The following CRADD variants were observed in gnomAD, a reference collection of about 807,000 sequenced individuals.
CRADD encodes CARD and death domain containing adaptor protein.
A neutral mutation model predicts 15.5 loss-of-function variants in CRADD; 9 were observed. The observed-to-expected ratio is 0.58, with a 90% CI of 0.35 to 1.01. CRADD has a LOEUF of 1.01. CRADD is among the 50% of genes least tolerant of loss of function. The pLI, the probability that CRADD is intolerant of heterozygous loss-of-function variation, is 0.02. For synonymous variants in CRADD, 118 were observed against 107.6 expected (o/e 1.10, Z -0.60); for missense variants, 227 against 250.3 (o/e 0.91, Z 0.63).
chr12:93,789,830 T>C (rs1957328746), intron 2 of CRADD, among the ~76,000 whole-genome samples: 1 of 152,198 alleles, frequency 6.6e-6, no homozygotes, highest in South Asian at 2.1e-4. Context: ...AAAGGAGATG[T>C]TTTTCTGTAG....
chr12:93,691,255 CTT>C lies in CRADD; in HGVS notation c.298+12197_298+12198del, dbSNP rs66640128. On this transcript the variant is annotated intron_variant, in intron 2 of 2. Transcript: ENST00000332896. The stretch of plus-strand genomic sequence containing the variant: ...AATATAAAGAATTTTCTTTTGTTTT[CTT>C]TTTTTTTTTTTTTGAGACAGAGTTT... 3.7e-3 allele frequency among the ~76,000 whole-genome samples: 525 copies of C among 141,492 alleles called. 3 individuals carry two copies. Among genetic ancestry groups the C allele is most frequent in the African/African-American group, 0.011 (437 of 39,172 alleles). The allele number at this position is 141,492 out of a possible 152,430, so 92.8% of individuals were successfully genotyped here. A position where few individuals can be genotyped will look rare whatever the true frequency, so the allele number is the denominator to read the frequency against.
At chr12:93,814,878 A>G (rs1957673850) in intron 2 of CRADD, among the ~76,000 whole-genome samples, 1 of 152,228 alleles carries the variant, frequency 6.6e-6, no homozygotes, top group African/African-American at 2.4e-5. Flanking sequence ...AAAAATTACC[A>G]TTCCTAGATC....
chr12:93,706,630 T>C (rs1007595499), intron 2 of CRADD, among the ~76,000 whole-genome samples: 1 of 152,202 alleles, frequency 6.6e-6, no homozygotes, highest in Admixed American at 6.5e-5. Context: ...GTGATATTCA[T>C]ACTGATGGGG....
intron 2 of CRADD, among the ~76,000 whole-genome samples, chr12:93,783,228 GTATTATTATTATTATTATTAT>G (rs57260302): frequency 2.9e-5 from 4 of 139,364 alleles, no homozygotes; most frequent in Non-Finnish European, 4.6e-5. Flanking sequence ...ACAGGTATAG[GTATTATTATTATTATTATTAT>G]TATTATTATT....
chr12:93,776,089 A>T (rs1264508907), intron 2 of CRADD, among the ~76,000 whole-genome samples: 1 of 152,174 alleles, frequency 6.6e-6, no homozygotes, highest in Admixed American at 6.5e-5. Flanking sequence ...ATCTGAGAGA[A>T]CCCATTTAAT....
chr12:93,747,045 G>A (rs1448706577), intron 2 of CRADD, among the ~76,000 whole-genome samples: 1 of 151,948 alleles, frequency 6.6e-6, no homozygotes, highest in African/African-American at 2.4e-5. Context: ...AAAAAAAAAA[G>A]AATGGTTTTC....
intron 2 of CRADD, chr12:93,848,617 T>G (rs962049103): frequency 6.6e-6 from 1 of 152,428 alleles, no homozygotes; most frequent in Non-Finnish European, 1.5e-5. Flanking sequence ...ATTGCGATTC[T>G]CCTGCCTCTG....
rs11393339 is a variant in CRADD, at chr12:93,860,135, GA to G, written c.299-33903del. ...ACTTTTAAGAGGCCAACGCAAATTT[GA>G]AAAAAAAAAAAGTTTTTATAAGGTT... On this transcript the variant is annotated intron_variant, in intron 2 of 2. Transcript: ENST00000548483. 8.1e-4 allele frequency among the ~76,000 whole-genome samples: 120 copies of G among 148,074 alleles called. 1 individual carries two copies. The highest frequency in any genetic ancestry group is 3.4e-3 in the South Asian group (16 of 4,656).
chr12:93,860,962 C>T (rs962333851), intron 2 of CRADD, among the ~76,000 whole-genome samples: 1 of 152,220 alleles, frequency 6.6e-6, no homozygotes, highest in African/African-American at 2.4e-5. Flanking sequence ...CTCGGAGCGC[C>T]AGGCTGCTTG....
intron 2 of CRADD, among the ~76,000 whole-genome samples, chr12:93,881,215 T>G (rs529689124): frequency 1.3e-5 from 2 of 152,322 alleles, no homozygotes; most frequent in African/African-American, 4.8e-5. Context: ...ACAAAGATCT[T>G]ATCTTCTGAT....
chr12:93,737,948 G>T, intron 2 of CRADD: 1 of 274,518 alleles, frequency 3.6e-6, no homozygotes, highest in Non-Finnish European at 6.7e-6. Flanking sequence ...AAGAATTTCA[G>T]GGTGATAAAA....
At chr12:93,753,748 C>T (rs1041402239) in intron 2 of CRADD, among the ~76,000 whole-genome samples, 9 of 152,242 alleles carry the variant, frequency 5.9e-5, no homozygotes, top group African/African-American at 1.9e-4. Context: ...TGGTCTCCCA[C>T]AACTTTGGGC....
At chr12:93,753,893 G>A (rs892781780) in intron 2 of CRADD, among the ~76,000 whole-genome samples, 2 of 152,176 alleles carry the variant, frequency 1.3e-5, no homozygotes, top group Non-Finnish European at 2.9e-5. Context: ...TCTGGAGGGC[G>A]TGGCCCTCTT....
chr12:93,885,592 A>G (rs1201466592), intron 2 of CRADD, among the ~76,000 whole-genome samples: 2 of 152,182 alleles, frequency 1.3e-5, no homozygotes, highest in South Asian at 4.1e-4. Flanking sequence ...TGGAGCTGGA[A>G]GCCCCCAGTG....
chr12:93,874,777 G>T (rs1021916040), intron 2 of CRADD, among the ~76,000 whole-genome samples: 1 of 152,064 alleles, frequency 6.6e-6, no homozygotes, highest in Non-Finnish European at 1.5e-5. Context: ...TGTGATGAGA[G>T]AAGATGCTTG....
intron 2 of CRADD, among the ~76,000 whole-genome samples, chr12:93,726,327 C>G (rs941908272): frequency 1.3e-5 from 2 of 152,078 alleles, no homozygotes; most frequent in African/African-American, 2.4e-5. Context: ...TGGCCTCGAA[C>G]TCCTGACCTC....
At chr12:93,717,194 A>G (rs1394276505) in intron 2 of CRADD, among the ~76,000 whole-genome samples, 2 of 152,178 alleles carry the variant, frequency 1.3e-5, no homozygotes, top group African/African-American at 4.8e-5. Context: ...ATATCTGTAC[A>G]GGTCTTTGGC....
At chr12:93,774,549 A>T (rs1957121514) in intron 2 of CRADD, among the ~76,000 whole-genome samples, 1 of 152,100 alleles carries the variant, frequency 6.6e-6, no homozygotes, top group South Asian at 2.1e-4. Context: ...GAATGTGAAG[A>T]TGGGTTAGGA....
At chr12:93,687,376 C>T (rs1955462059) in intron 2 of CRADD, among the ~76,000 whole-genome samples, 1 of 152,182 alleles carries the variant, frequency 6.6e-6, no homozygotes, top group Admixed American at 6.5e-5. Context: ...CATTGTTGCT[C>T]AGCTGTGGCT....
Sources: gnomAD v4.1 joint callset for allele counts (sites outside exome capture counted in the v4.1 genomes callset) on GRCh38, gnomAD v4.1.1 for gene constraint, MANE v1.5 for transcripts, NCBI Gene and HGNC (gene_info 2026-07-23, HGNC 2026-07-21) for gene names.